Variants in BBOX1 observed in about 807,000 individuals in gnomAD.
BBOX1 encodes gamma-butyrobetaine dioxygenase.
Under a neutral mutation model 41.6 loss-of-function variants are expected in BBOX1, and 35 were observed. The ratio of observed to expected loss-of-function variants is 0.84; its 90% confidence interval spans 0.64 to 1.11. The LOEUF (loss-of-function observed/expected upper bound fraction) is 1.11. Ranked by LOEUF, BBOX1 falls within the 50% of genes most tolerant of loss-of-function variation. The pLI is 0.00. For synonymous variants in BBOX1, 163 were observed against 154.7 expected (o/e 1.05, Z -0.40); for missense variants, 458 against 460.6 (o/e 0.99, Z 0.05).
intron 6 of BBOX1, among the ~76,000 whole-genome samples, chr11:27,119,029 C>G (rs1474263942): frequency 6.6e-6 from 1 of 151,404 alleles, no homozygotes; most frequent in Non-Finnish European, 1.5e-5. Flanking sequence ...AGTGAATTCC[C>G]TCTATGCACA....
At chr11:27,050,532 C>T (rs544230954) in intron 2 of BBOX1, among the ~76,000 whole-genome samples, 5 of 152,082 alleles carry the variant, frequency 3.3e-5, no homozygotes, top group East Asian at 1.9e-4. Flanking sequence ...TTTTTGTCAT[C>T]GTCTTATAGC....
intron 5 of BBOX1, among the ~76,000 whole-genome samples, chr11:27,106,115 C>T (rs56272153): frequency 0.015 from 2,283 of 152,152 alleles, 24 homozygotes; most frequent in Non-Finnish European, 0.022. Flanking sequence ...AAGGAACAAC[C>T]GGTACCAGCC....
At chr11:27,094,624 C>T (rs1858372054) in intron 5 of BBOX1, among the ~76,000 whole-genome samples, 1 of 151,966 alleles carries the variant, frequency 6.6e-6, no homozygotes, top group Admixed American at 6.6e-5. Context: ...CAGAATCCTC[C>T]ACGCTCTCCA....
intron 4 of BBOX1, among the ~76,000 whole-genome samples, chr11:27,088,974 A>G (rs1419379884): frequency 1.3e-5 from 2 of 152,000 alleles, no homozygotes; most frequent in African/African-American, 4.8e-5. Context: ...AACTCCTTTC[A>G]TAATATTATT....
At chr11:27,064,675 T>C (rs188375777) in intron 4 of BBOX1, among the ~76,000 whole-genome samples, 1 of 152,254 alleles carries the variant, frequency 6.6e-6, no homozygotes, top group Admixed American at 6.5e-5. Context: ...ATGGAGTTAG[T>C]CCTCAAATCA....
intron 4 of BBOX1, among the ~76,000 whole-genome samples, chr11:27,084,824 G>A (rs1482975629): frequency 2.0e-5 from 3 of 152,138 alleles, no homozygotes; most frequent in Non-Finnish European, 2.9e-5. Context: ...TGTGCAAATG[G>A]TTCCTTGAAA....
intron 4 of BBOX1, among the ~76,000 whole-genome samples, chr11:27,066,892 T>C (rs1043364016): frequency 1.6e-4 from 25 of 152,166 alleles, no homozygotes; most frequent in African/African-American, 5.8e-4. Flanking sequence ...TAAAATTTTA[T>C]ATTTTTCTCA....
rs749163035 is a variant in BBOX1 at position 27,119,694 on chromosome 11, T to A, written c.685T>A (p.Ser229Thr). 6.4e-7 allele frequency: 1 copy of A among 1,569,332 alleles called. No homozygotes were observed. The highest frequency in any genetic ancestry group is 1.2e-5 in the South Asian group (1 of 82,668). The change falls in exon 7 of 9, where the codon TCA (serine) becomes ACA (threonine). Residue 229 changes from serine to threonine, a missense_variant. Transcript: ENST00000263182. ...CIKQTVTGGDSEIVDGFNVCQ... is the reference protein window; with the variant it reads ...CIKQTVTGGDTEIVDGFNVCQ... ...AAAGCAAACAGTCACAGGGGGTGAT[T>A]CAGAAATTGTAGATGGGTTTAATGT...
chr11:27,042,297 A>G (rs933350398), intron 2 of BBOX1, among the ~76,000 whole-genome samples: 2 of 152,230 alleles, frequency 1.3e-5, no homozygotes. Flanking sequence ...TAAGCAAGAC[A>G]GGCAGAATTG....
intron 4 of BBOX1, among the ~76,000 whole-genome samples, chr11:27,078,807 G>C (rs1857725114): frequency 6.6e-6 from 1 of 152,142 alleles, no homozygotes; most frequent in Non-Finnish European, 1.5e-5. Context: ...CAGAAGAGCT[G>C]GTTTTGACCT....
intron 4 of BBOX1, among the ~76,000 whole-genome samples, chr11:27,076,671 G>A (rs879831093): frequency 1.3e-5 from 2 of 152,110 alleles, no homozygotes; most frequent in Non-Finnish European, 2.9e-5. Flanking sequence ...TACCAGAGTG[G>A]GTGGAGGGAC....
chr11:27,046,254 A>C (rs1292567539), intron 2 of BBOX1: 1 of 152,194 alleles, frequency 6.6e-6, no homozygotes, highest in East Asian at 1.9e-4. Context: ...CTGAAGAATC[A>C]GGAGACAAAC....
intron 4 of BBOX1, among the ~76,000 whole-genome samples, chr11:27,082,699 T>A (rs1857890157): frequency 6.6e-6 from 1 of 152,188 alleles, no homozygotes; most frequent in Non-Finnish European, 1.5e-5. Context: ...GAGATTTATA[T>A]AAATTAATCC....
At chr11:27,054,218 T>TGA (rs1183022608) in intron 2 of BBOX1, among the ~76,000 whole-genome samples, 2 of 150,482 alleles carry the variant, frequency 1.3e-5, no homozygotes, top group Non-Finnish European at 3.0e-5. Flanking sequence ...TGTGTGTGTG[T>TGA]GTGTGTGTGT....
intron 4 of BBOX1, among the ~76,000 whole-genome samples, chr11:27,092,784 C>T (rs1858293230): frequency 6.6e-6 from 1 of 151,942 alleles, no homozygotes. Context: ...ATTTTATCAT[C>T]TATTTGGAGT....
chr11:27,085,342 A>G (rs1306157094), intron 4 of BBOX1, among the ~76,000 whole-genome samples: 2 of 152,122 alleles, frequency 1.3e-5, no homozygotes, highest in African/African-American at 4.8e-5. Flanking sequence ...AACAGCATGT[A>G]CTCACTTTTT....
intron 5 of BBOX1, among the ~76,000 whole-genome samples, chr11:27,107,932 G>T (rs1163596780): frequency 6.6e-6 from 1 of 152,090 alleles, no homozygotes; most frequent in Non-Finnish European, 1.5e-5. Context: ...TCTATGACAA[G>T]GTAGAAAGGT....
intron 6 of BBOX1, among the ~76,000 whole-genome samples, chr11:27,116,445 A>G (rs979047451): frequency 6.9e-6 from 1 of 144,894 alleles, no homozygotes; most frequent in Non-Finnish European, 1.5e-5. Context: ...CACATTCTGC[A>G]CATGTATCCC....
intron 4 of BBOX1, 55 bp downstream of exon 4, chr11:27,057,370 T>C (rs1857017591): frequency 7.2e-7 from 1 of 1,384,532 alleles, no homozygotes; most frequent in Admixed American, 2.1e-5. Flanking sequence ...AAAGGATTTT[T>C]ATTAAGAAAT....
Sources: allele counts gnomAD v4.1 joint callset (sites outside exome capture counted in the v4.1 genomes callset), GRCh38; gene constraint gnomAD v4.1.1; transcripts MANE v1.5; gene names NCBI Gene and HGNC (gene_info 2026-07-23, HGNC 2026-07-21).